The following TFEC variants were observed in gnomAD, a reference collection of about 807,000 sequenced individuals.
TFEC encodes transcription factor EC.
Under a neutral mutation model 41.6 loss-of-function variants are expected in TFEC, and 31 were observed. The observed-to-expected ratio is 0.74, with a 90% CI of 0.56 to 1.01. The LOEUF (loss-of-function observed/expected upper bound fraction) is 1.01, where lower values mean the gene tolerates loss of function less well. TFEC is among the 50% of genes least tolerant of loss of function. The probability of loss-of-function intolerance (pLI) is 0.00; values close to 1 mark genes in which losing one functional copy is unlikely to be tolerated. For synonymous variants in TFEC, 143 were observed against 140.6 expected, an observed-to-expected ratio of 1.02 and a Z score of -0.12; for missense variants, 402 against 404.1, an observed-to-expected ratio of 0.99 and a Z score of 0.04.
upstream of TFEC, among the ~76,000 whole-genome samples, chr7:116,031,237 T>C (rs1392800055): frequency 6.6e-6 from 1 of 152,136 alleles, no homozygotes; most frequent in Non-Finnish European, 1.5e-5. Context: ...TATAATTACA[T>C]TTTTCTTACA....
chr7:116,158,321 A>G (rs1270153523), intron 1 of TFEC, among the ~76,000 whole-genome samples: 1 of 152,210 alleles, frequency 6.6e-6, no homozygotes, highest in South Asian at 2.1e-4. Context: ...AAGTAATATC[A>G]GCTAAAACTC....
At chr7:115,941,596 T>C in intron 7 of TFEC, 1 of 356,944 alleles carries the variant, frequency 2.8e-6, no homozygotes, top group Non-Finnish European at 5.0e-6. Flanking sequence ...ATTTTGTAAT[T>C]TGTTGTCATT....
Position 116,060,546 on chromosome 7 carries a change from A to G in TFEC, c.198+50162T>C, listed in dbSNP as rs532984086. Among the ~76,000 whole-genome samples, 4 of 152,238 alleles carry G rather than the reference A, an allele frequency of 2.6e-5. No individual in the cohort carries two copies. The East Asian group carries it at 7.7e-4, about 29-fold the overall frequency. On this transcript the variant is annotated intron_variant, in intron 3 of 8. Transcript: ENST00000484212. ...CTATGCAGCCCTATAAAATAACAAC[A>G]TCATGTCTTTTGTGGAAACACGGAT...
intron 1 of TFEC, among the ~76,000 whole-genome samples, chr7:116,135,140 A>G (rs541932041): frequency 3.3e-4 from 51 of 152,264 alleles, no homozygotes; most frequent in African/African-American, 1.2e-3. Context: ...TAATGAACAG[A>G]GCCACCGTGT....
At chr7:115,954,711 CA>C in intron 4 of TFEC, 69 bp from the exon 5 acceptor site, 1 of 1,168,356 alleles carries the variant, frequency 8.6e-7, no homozygotes, top group Non-Finnish European at 1.2e-6. Context: ...CAACATAATT[CA>C]GAACTCCTAG....
chr7:116,134,144 A>T (rs1798389997), intron 1 of TFEC, among the ~76,000 whole-genome samples: 1 of 152,206 alleles, frequency 6.6e-6, no homozygotes, highest in African/African-American at 2.4e-5. Context: ...AATATTTAAG[A>T]ACAAAGGCTG....
At chr7:116,060,596 C>T (rs1796531196) in intron 3 of TFEC, among the ~76,000 whole-genome samples, 1 of 152,066 alleles carries the variant, frequency 6.6e-6, no homozygotes, top group African/African-American at 2.4e-5. Flanking sequence ...TTAGCCTTAG[C>T]AAACAAACTC....
At chr7:116,081,860 C>T (rs972322721) in intron 3 of TFEC, among the ~76,000 whole-genome samples, 1 of 152,062 alleles carries the variant, frequency 6.6e-6, no homozygotes, top group Admixed American at 6.6e-5. Context: ...TCAAATGATA[C>T]ATCCCTTCAT....
At position 116,110,653 on chromosome 7, in the gene TFEC, G is replaced by A. The variant is rs928900009; in HGVS notation, c.198+55C>T. On this transcript the variant is annotated intron_variant, in intron 3 of 8. Coordinates refer to the TFEC transcript ENST00000484212. ...CAATTAAAACAGACAGATTTTCAGA[G>A]GTAGTTACTATACTTACTTAGAAAT... The A allele has an allele frequency of 7.1e-6, 8 of 1,131,722 alleles. No individual in the cohort carries two copies. In the African/African-American group the frequency reaches 1.1e-4, roughly 16 times the overall value. 70.1% of individuals were successfully genotyped at this position (1,131,722 alleles called of 1,614,324 possible). A position where few individuals can be genotyped will look rare whatever the true frequency, so the allele number is the denominator to read the frequency against.
chr7:116,070,071 TTA>T (rs1264056936), intron 3 of TFEC, among the ~76,000 whole-genome samples: 2 of 151,418 alleles, frequency 1.3e-5, no homozygotes, highest in Admixed American at 6.6e-5. Flanking sequence ...ATGTGTGCAT[TTA>T]TGTCTTTACA....
chr7:116,034,182 C>T (rs1315134422), upstream of TFEC, among the ~76,000 whole-genome samples: 2 of 152,096 alleles, frequency 1.3e-5, no homozygotes, highest in Non-Finnish European at 2.9e-5. Context: ...CCTCTCTTCT[C>T]TATAGTGAAA....
chr7:116,069,447 T>G (rs993469872), intron 3 of TFEC, among the ~76,000 whole-genome samples: 1 of 151,634 alleles, frequency 6.6e-6, no homozygotes, highest in Non-Finnish European at 1.5e-5. Flanking sequence ...CTGCTGATGA[T>G]AAAAATGTTG....
chr7:116,051,148 G>T (rs1796301749), intron 3 of TFEC, among the ~76,000 whole-genome samples: 1 of 152,154 alleles, frequency 6.6e-6, no homozygotes, highest in African/African-American at 2.4e-5. Flanking sequence ...GGCCTGTCTT[G>T]GGGTTGGGGG....
intron 1 of TFEC, among the ~76,000 whole-genome samples, chr7:115,994,537 G>A (rs1047065935): frequency 6.6e-6 from 1 of 152,138 alleles, no homozygotes; most frequent in Non-Finnish European, 1.5e-5. Flanking sequence ...CCATCAAAAA[G>A]TGGGCAAAGG....
chr7:116,122,251 G>C (rs1228166367), intron 1 of TFEC, among the ~76,000 whole-genome samples: 1 of 152,080 alleles, frequency 6.6e-6, no homozygotes, highest in East Asian at 1.9e-4. Context: ...TTTATGAACT[G>C]TGCTATTATT....
At chr7:116,072,088 T>C (rs1161784511) in intron 3 of TFEC, among the ~76,000 whole-genome samples, 1 of 151,580 alleles carries the variant, frequency 6.6e-6, no homozygotes, top group African/African-American at 2.4e-5. Context: ...TTTATTAAAT[T>C]AAATAAGTTA....
intron 1 of TFEC, among the ~76,000 whole-genome samples, chr7:116,141,852 A>C (rs527598476): frequency 6.6e-6 from 1 of 152,320 alleles, no homozygotes; most frequent in Admixed American, 6.5e-5. Flanking sequence ...GTTTTCTAAG[A>C]AGCAGAAAAA....
chr7:116,005,055 A>G (rs1481764452), intron 1 of TFEC, among the ~76,000 whole-genome samples: 2 of 152,130 alleles, frequency 1.3e-5, no homozygotes, highest in African/African-American at 4.8e-5. Flanking sequence ...ACCTTCCACT[A>G]TGATTGTGAG....
intron 1 of TFEC, among the ~76,000 whole-genome samples, chr7:115,990,623 A>G (rs1794066324): frequency 6.6e-6 from 1 of 152,192 alleles, no homozygotes; most frequent in South Asian, 2.1e-4. Context: ...AAGTGGAAGA[A>G]AGGGTATCAG....
Sources: allele counts gnomAD v4.1 joint callset (sites outside exome capture counted in the v4.1 genomes callset), GRCh38; gene constraint gnomAD v4.1.1; transcripts MANE v1.5; gene names NCBI Gene and HGNC (gene_info 2026-07-23, HGNC 2026-07-21).